The following BABAM2 variants were observed in gnomAD, a reference collection of about 807,000 sequenced individuals.
BABAM2 encodes the protein BRISC and BRCA1-A complex member 2.
BABAM2 carries 31 observed loss-of-function variants against 54.7 expected under a neutral mutation model. The observed-to-expected ratio is 0.57, with a 90% CI of 0.43 to 0.77. The LOEUF is 0.77. BABAM2 is among the 30% of genes least tolerant of loss of function. The pLI, the probability that BABAM2 is intolerant of heterozygous loss-of-function variation, is 0.00. For missense variants in BABAM2, 364 were observed against 455.8 expected, an observed-to-expected ratio of 0.80 and a Z score of 1.83; for synonymous variants, 167 against 162.9, an observed-to-expected ratio of 1.03 and a Z score of -0.19.
intron 6 of BABAM2, among the ~76,000 whole-genome samples, chr2:28,079,621 TC>T (rs1447203847): frequency 6.6e-6 from 1 of 152,166 alleles, no homozygotes; most frequent in Non-Finnish European, 1.5e-5. Context: ...TAAATTGAGC[TC>T]TAGGCCTTTG....
intron 4 of BABAM2, among the ~76,000 whole-genome samples, chr2:27,988,968 C>T (rs1383350722): frequency 6.6e-6 from 1 of 152,022 alleles, no homozygotes; most frequent in Non-Finnish European, 1.5e-5. Flanking sequence ...CTGCTTCCAC[C>T]CTTTAAAGGT....
intron 7 of BABAM2, chr2:28,233,231 G>A (rs1681586657): frequency 2.1e-6 from 1 of 471,408 alleles, no homozygotes; most frequent in South Asian, 1.5e-5. Context: ...AGTGCCAAGT[G>A]GTCCCTTTCA....
chr2:27,982,874 C>CAT (rs1672123187), intron 3 of BABAM2, among the ~76,000 whole-genome samples: 3 of 151,722 alleles, frequency 2.0e-5, no homozygotes, highest in Non-Finnish European at 4.4e-5. Flanking sequence ...CACACACACA[C>CAT]ACACACACAT....
At chr2:28,327,661 A>C (rs1185186478) in intron 11 of BABAM2, among the ~76,000 whole-genome samples, 1 of 152,100 alleles carries the variant, frequency 6.6e-6, no homozygotes, top group Non-Finnish European at 1.5e-5. Flanking sequence ...TAAATATCTC[A>C]AACGCAAGGC....
chr2:27,907,678 C>G (rs1666282322), intron 2 of BABAM2, among the ~76,000 whole-genome samples: 1 of 152,154 alleles, frequency 6.6e-6, no homozygotes, highest in African/African-American at 2.4e-5. Context: ...ACAACAACTT[C>G]CATTTCTCTT....
rs547036782 is a variant in BABAM2, at chr2:28,062,295, G to T, written c.570+16496G>T. Among the ~76,000 whole-genome samples, 11 of 151,222 alleles carry T rather than the reference G, an allele frequency of 7.3e-5. No individual in the cohort carries two copies. In the East Asian group the frequency reaches 2.1e-3, roughly 29 times the overall value. On this transcript the variant is annotated intron_variant, in intron 6 of 11. Coordinates refer to ENST00000379624, the MANE Select transcript of BABAM2 (RefSeq NM_199191.3). ...AAAACAAAAAACCTGGCCGGGCATG[G>T]TGGCACACACCTGTAATACCAGCAC...
intron 6 of BABAM2, among the ~76,000 whole-genome samples, chr2:28,065,978 TAAA>T (rs756592657): frequency 1.1e-5 from 1 of 91,872 alleles, no homozygotes. Flanking sequence ...CTGTCTCTAC[TAAA>T]AAAAAAAAAA....
chr2:28,013,731 G>A (rs868104578), intron 4 of BABAM2, among the ~76,000 whole-genome samples: 22 of 88,200 alleles, frequency 2.5e-4, no homozygotes, highest in African/African-American at 6.6e-4. Flanking sequence ...ACACACACAC[G>A]TGTGTGTGTG....
intron 10 of BABAM2, among the ~76,000 whole-genome samples, chr2:28,258,059 C>G (rs1395599040): frequency 6.6e-6 from 1 of 152,102 alleles, no homozygotes; most frequent in African/African-American, 2.4e-5. Context: ...CACTTGTAAT[C>G]CCACCTACTT....
rs550413481 is a variant in BABAM2 at position 28,231,098 on chromosome 2, G to A, written c.681-6104G>A. Among the ~76,000 whole-genome samples, 38 of 152,300 alleles carry A rather than the reference G, an allele frequency of 2.5e-4. No individual in the cohort carries two copies. In the South Asian group the frequency reaches 6.4e-3, roughly 26 times the overall value. Reference sequence around the variant, plus strand: ...TTACTTGCTGGGTTATCTTGGATAAGATACTTAGACTCTTAGAATGTCAGT... The same window carrying A: ...TTACTTGCTGGGTTATCTTGGATAAAATACTTAGACTCTTAGAATGTCAGT... On this transcript the variant is annotated intron_variant, in intron 7 of 11. Transcript: ENST00000379624.
intron 11 of BABAM2, among the ~76,000 whole-genome samples, chr2:28,324,732 C>T (rs1269138037): frequency 6.6e-6 from 1 of 152,110 alleles, no homozygotes; most frequent in Middle Eastern, 3.2e-3. Context: ...GAGGTCGAGG[C>T]TGCAGTGAGC....
intron 7 of BABAM2, among the ~76,000 whole-genome samples, chr2:28,216,862 C>T (rs950033773): frequency 2.6e-5 from 4 of 152,238 alleles, no homozygotes; most frequent in African/African-American, 9.6e-5. Context: ...CCGATACCCA[C>T]CACTTTGGCC....
In BABAM2 at chr2:28,112,147, T is replaced by TTCTTTCTTTCCCTCCC. The variant is rs1558346715; in HGVS notation, c.571-17123_571-17122insCTTTCTTTCCCTCCCT. Among the ~76,000 whole-genome samples, 32 of 5,240 alleles carry TTCTTTCTTTCCCTCCC rather than the reference T, an allele frequency of 6.1e-3. 4 individuals carry two copies. Among genetic ancestry groups the TTCTTTCTTTCCCTCCC allele is most frequent in the South Asian group, 0.048 (2 of 42 alleles). The allele number at this position is 5,240 out of a possible 152,430, so 3.4% of individuals were successfully genotyped here. A position where few individuals can be genotyped will look rare whatever the true frequency, so the allele number is the denominator to read the frequency against. The stretch of plus-strand genomic sequence containing the variant: ...TTTCTTTCTTTCTTTCTTTCTTTCT[T>TTCTTTCTTTCCCTCCC]TACCTCCCTCCCTCCCTCCCTCCCT... On this transcript the variant is annotated intron_variant, in intron 6 of 11. Coordinates refer to ENST00000379624, the MANE Select transcript of BABAM2 (RefSeq NM_199191.3).
rs1673073450 is a variant in BABAM2, at chr2:27,995,452, A to G, written c.300+7365A>G. ...ACAGGGTCTGGCCCCCGCTTCATAA[A>G]CAGGGTAAAGCAGAATGGCTTTGGG... On this transcript the variant is annotated intron_variant, in intron 4 of 11. Transcript: ENST00000379624. This position sits in a 1 kb window ranked among gnomAD's most constrained non-coding sequence, Gnocchi z 4.1. Among the ~76,000 whole-genome samples the G allele has an allele frequency of 6.6e-6, 1 of 152,198 alleles. No individual in the cohort carries two copies. Among genetic ancestry groups the G allele is most frequent in the Admixed American group, 6.5e-5 (1 of 15,284 alleles).
intron 7 of BABAM2, among the ~76,000 whole-genome samples, chr2:28,147,536 C>T (rs559991860): frequency 3.3e-5 from 5 of 151,614 alleles, no homozygotes; most frequent in South Asian, 4.2e-4. Context: ...TGCAGTGGCA[C>T]GATCTTGGCT....
At chr2:28,073,141 C>T (rs79461676) in intron 6 of BABAM2, among the ~76,000 whole-genome samples, 2,620 of 152,104 alleles carry the variant, frequency 0.017, 87 homozygotes, top group African/African-American at 0.059. Context: ...AGTAAGGTAT[C>T]GTTCTAGATG....
intron 2 of BABAM2, among the ~76,000 whole-genome samples, chr2:27,897,913 C>T (rs1370066629): frequency 6.6e-6 from 1 of 152,174 alleles, no homozygotes. Context: ...AGGGTATTTT[C>T]CAGTTTCCCT....
At chr2:28,319,487 T>A (rs543601482) in intron 11 of BABAM2, among the ~76,000 whole-genome samples, 2 of 152,376 alleles carry the variant, frequency 1.3e-5, no homozygotes, top group Admixed American at 1.3e-4. Flanking sequence ...CTCTTGTACC[T>A]GGCATGTTAG....
chr2:28,241,153 T>C (rs1682392741), intron 8 of BABAM2, among the ~76,000 whole-genome samples, 170 bp from the exon 9 acceptor site: 1 of 152,180 alleles, frequency 6.6e-6, no homozygotes, highest in Non-Finnish European at 1.5e-5. Flanking sequence ...GATAGATGGA[T>C]GGCTGGAGGA....
Sources: allele counts gnomAD v4.1 joint callset (sites outside exome capture counted in the v4.1 genomes callset), GRCh38; gene constraint gnomAD v4.1.1; non-coding constraint Gnocchi (gnomAD v3.1); transcripts MANE v1.5; gene names NCBI Gene and HGNC (gene_info 2026-07-23, HGNC 2026-07-21).